Variants in WNK1 observed in about 807,000 individuals in gnomAD.
The protein encoded by WNK1 is serine/threonine-protein kinase WNK1.
Under a neutral mutation model 222.8 loss-of-function variants are expected in WNK1, and 38 were observed. The ratio of observed to expected loss-of-function variants is 0.17; its 90% CI spans 0.13 to 0.22. The LOEUF (loss-of-function observed/expected upper bound fraction) is 0.22. Among genes scored for constraint, WNK1 ranks in the 10% least tolerant of loss-of-function variants. WNK1 has a pLI of 1.00. For missense variants in WNK1, 2,348 were observed against 2,918.4 expected, an observed-to-expected ratio of 0.80 and a Z score of 4.50; for synonymous variants, 1,090 against 1,092.9, an observed-to-expected ratio of 1.00 and a Z score of 0.05.
intron 1 of WNK1, among the ~76,000 whole-genome samples, chr12:779,447 C>T (rs756024843): frequency 2.0e-5 from 3 of 149,254 alleles, no homozygotes; most frequent in Admixed American, 6.7e-5. Context: ...CTTTGTAGCC[C>T]GGGCTGGAGT....
chr12:860,888 A>C, intron 6 of WNK1, 125 bp from the exon 7 acceptor site: 6 of 894,286 alleles, frequency 6.7e-6, no homozygotes, highest in Non-Finnish European at 1.0e-5. Flanking sequence ...TCCTGAGAGA[A>C]TTCTTTCTTC....
At position 883,404 on chromosome 12, in the gene WNK1, G is replaced by A; in HGVS notation, c.3499G>A (p.Asp1167Asn). ...EEIATIMVNN[D>N]FILAIERESF... Reference sequence around the variant, plus strand: ...CACATTTCTTTTACAGGTGAACAATGACTTTATTCTAGCAATAGAGAGAGA... The same window carrying A: ...CACATTTCTTTTACAGGTGAACAATAACTTTATTCTAGCAATAGAGAGAGA... The change falls in exon 16 of 28, where the codon GAC becomes AAC. Residue 1167 changes from aspartate to asparagine, a missense_variant. Asp to Asn is a conservative substitution (Grantham distance 23). Around this residue, in one of 13 missense-constraint regions of WNK1, gnomAD observed 1,144 missense variants for 1,273.6 expected, o/e 0.90. Transcript: ENST00000315939. 6.2e-7 allele frequency: 1 copy of A among 1,614,132 alleles called. No individual in the cohort carries two copies. The highest frequency in any genetic ancestry group is 1.7e-5 in the Admixed American group (1 of 60,026).
intron 6 of WNK1, 89 bp from the exon 7 acceptor site, chr12:860,924 T>C (rs541241333): frequency 1.6e-6 from 2 of 1,231,936 alleles, no homozygotes; most frequent in Non-Finnish European, 2.3e-6. Context: ...TTTTTTACAA[T>C]GCCTTTTTTT....
At chr12:872,340 C>T (rs1167033406) in intron 9 of WNK1, among the ~76,000 whole-genome samples, 1 of 151,602 alleles carries the variant, frequency 6.6e-6, no homozygotes, top group Non-Finnish European at 1.5e-5. Flanking sequence ...GTAGAGATGG[C>T]GTTTCACCAT....
intron 2 of WNK1, among the ~76,000 whole-genome samples, chr12:826,503 A>G (rs1484925123): frequency 6.6e-6 from 1 of 152,186 alleles, no homozygotes; most frequent in Non-Finnish European, 1.5e-5. Flanking sequence ...TTCCCTTCCA[A>G]CTATGACTGA....
At chr12:867,748 T>C in intron 8 of WNK1, 1 of 1,075,566 alleles carries the variant, frequency 9.3e-7, no homozygotes, top group Non-Finnish European at 1.4e-6. Flanking sequence ...ATTTATTTAT[T>C]AATTATAAAT....
chr12:889,333 G>A lies in WNK1; in HGVS notation c.5448+110G>A, dbSNP rs925995721. 9 of 944,570 alleles carry A rather than the reference G, an allele frequency of 9.5e-6. No individual in the cohort carries two copies. The African/African-American group carries it at 1.3e-4, about 14-fold the overall frequency. 58.5% of individuals were successfully genotyped at this position (944,570 alleles called of 1,614,324 possible). On this transcript the variant is annotated intron_variant, in intron 21 of 27. Coordinates refer to ENST00000315939, the MANE Select transcript of WNK1 (RefSeq NM_018979.4). ...TTAATACCTTTAACATGTATTCAGA[G>A]TTCCTGCTTATTCTAGCCAAAAGAA...
In WNK1 at chr12:756,933, CAAAT is replaced by C. The variant is rs1394708289; in HGVS notation, c.759+2612_759+2615del. On this transcript the variant is annotated intron_variant, in intron 1 of 27. Coordinates refer to ENST00000315939, the MANE Select transcript of WNK1 (RefSeq NM_018979.4). The stretch of plus-strand genomic sequence containing the variant: ...TTATTCTGCCCAGCTATTTATTTGA[CAAAT>C]AAGGAACCTGAAATCATAGAGCAGG... Among the ~76,000 whole-genome samples, 3 of 152,182 alleles carry C rather than the reference CAAAT, an allele frequency of 2.0e-5. No individual in the cohort carries two copies. In the East Asian group the frequency reaches 5.8e-4, roughly 29 times the overall value.
At chr12:844,456 G>A (rs1317185713) in intron 4 of WNK1, among the ~76,000 whole-genome samples, 1 of 152,074 alleles carries the variant, frequency 6.6e-6, no homozygotes, top group African/African-American at 2.4e-5. Context: ...TTTTTAAAAA[G>A]GAAAACCGGT....
At position 870,003 on chromosome 12, in the gene WNK1, A is replaced by G. The variant is rs919169405; in HGVS notation, c.2140-1262A>G. ...AAGTACAGTCAGTGTTTACTGTTTCATATATTCATTTGGTATATTTTATCA... is the reference window on the plus strand; with the variant it reads ...AAGTACAGTCAGTGTTTACTGTTTCGTATATTCATTTGGTATATTTTATCA... On this transcript the variant is annotated intron_variant, in intron 8 of 27. Coordinates refer to ENST00000315939, the MANE Select transcript of WNK1 (RefSeq NM_018979.4). 5.3e-5 allele frequency among the ~76,000 whole-genome samples: 8 copies of G among 152,216 alleles called. No homozygotes were observed. In the South Asian group the frequency reaches 8.3e-4, roughly 16 times the overall value.
intron 10 of WNK1, among the ~76,000 whole-genome samples, chr12:879,343 C>T (rs941394654): frequency 2.0e-5 from 3 of 151,602 alleles, no homozygotes; most frequent in Admixed American, 6.6e-5. Flanking sequence ...AGGTGTAGAA[C>T]AGTAATAGTC....
At position 753,205 on chromosome 12, in the gene WNK1, GC is replaced by G; in HGVS notation, c.-357del. ...CCGCATCCGCCTCGACTCGGTGCCGGCCCCTGGCCCTCCCCTCATGACTGCG... is the reference window on the plus strand; with the variant it reads ...CCGCATCCGCCTCGACTCGGTGCCGGCCCTGGCCCTCCCCTCATGACTGCG... On this transcript the variant is annotated 5_prime_UTR_variant, in exon 1 of 28. Transcript: ENST00000315939. This position sits in a 1 kb window ranked among gnomAD's most constrained non-coding sequence, Gnocchi z 5.2. 1 of 211,568 alleles carries G rather than the reference GC, an allele frequency of 4.7e-6. No homozygotes were observed. The highest frequency in any genetic ancestry group is 9.4e-6 in the Non-Finnish European group (1 of 106,212). The allele number at this position is 211,568 out of a possible 1,614,324, so 13.1% of individuals were successfully genotyped here. A position where few individuals can be genotyped will look rare whatever the true frequency, so the allele number is the denominator to read the frequency against.
At chr12:779,397 G>GTTTTTTTTTTTTTTTT (rs5795950) in intron 1 of WNK1, among the ~76,000 whole-genome samples, 2 of 124,258 alleles carry the variant, frequency 1.6e-5, no homozygotes, top group Non-Finnish European at 1.7e-5. Context: ...TTTCTTTTCT[G>GTTTTTTTTTTTTTTTT]TTTTTTTTTT....
intron 1 of WNK1, among the ~76,000 whole-genome samples, chr12:810,716 G>A (rs926430903): frequency 1.3e-5 from 2 of 152,160 alleles, no homozygotes; most frequent in Admixed American, 6.5e-5. Context: ...CTTCTTAAAA[G>A]CAAGGGACGG....
intron 8 of WNK1, among the ~76,000 whole-genome samples, chr12:866,036 A>G (rs1592084778): frequency 1.4e-5 from 2 of 147,610 alleles, no homozygotes; most frequent in South Asian, 2.2e-4. Context: ...TAAAAGATCT[A>G]TCTTATAAAA....
At chr12:862,528 C>T (rs72648693) in intron 8 of WNK1, among the ~76,000 whole-genome samples, 1 of 152,214 alleles carries the variant, frequency 6.6e-6, no homozygotes, top group African/African-American at 2.4e-5. Flanking sequence ...CTCTTTAGCA[C>T]TTAAGATGTT....
At chr12:878,621 C>A (rs1952837400) in intron 10 of WNK1, among the ~76,000 whole-genome samples, 1 of 151,868 alleles carries the variant, frequency 6.6e-6, no homozygotes, top group African/African-American at 2.4e-5. Context: ...TCTTACCAGT[C>A]CAAAATTGAT....
At chr12:883,114 A>G (rs1953325426) in intron 15 of WNK1, 55 bp downstream of exon 15, 4 of 1,257,310 alleles carry the variant, frequency 3.2e-6, no homozygotes, top group East Asian at 2.3e-5. Context: ...CTTAATAGCC[A>G]TTGCTCTAGG....
intron 22 of WNK1, among the ~76,000 whole-genome samples, chr12:891,592 GA>G (rs1426837922): frequency 6.7e-6 from 1 of 148,502 alleles, no homozygotes; most frequent in Non-Finnish European, 1.5e-5. Flanking sequence ...ATCATAAGGG[GA>G]TTTTTTTTCT....
Sources: allele counts gnomAD v4.1 joint callset (sites outside exome capture counted in the v4.1 genomes callset), GRCh38; gene constraint gnomAD v4.1.1; regional missense constraint gnomAD v4.1.1; non-coding constraint Gnocchi (gnomAD v3.1); transcripts MANE v1.5; gene names NCBI Gene and HGNC (gene_info 2026-07-23, HGNC 2026-07-21).